The following KCNH1 variants were observed in gnomAD, a reference collection of about 807,000 sequenced individuals.
The protein encoded by KCNH1 is potassium voltage-gated channel subfamily H member 1, also known as voltage-gated delayed rectifier potassium channel KCNH1.
In KCNH1, 27 loss-of-function variants were observed where a neutral mutation model predicts 69.2. The ratio of observed to expected loss-of-function variants is 0.39; its 90% CI spans 0.29 to 0.54. KCNH1 has a LOEUF of 0.54. KCNH1 is among the 20% of genes least tolerant of loss of function. The pLI is 0.68. For missense variants in KCNH1, 798 were observed against 1,261.6 expected, an observed-to-expected ratio of 0.63 and a Z score of 5.57; for synonymous variants, 456 against 487.7, an observed-to-expected ratio of 0.93 and a Z score of 0.86.
chr1:210,808,487 C>A (rs1539532), intron 7 of KCNH1, among the ~76,000 whole-genome samples: 25,019 of 152,058 alleles, frequency 0.16, 2,719 homozygotes, highest in Non-Finnish European at 0.25. Flanking sequence ...ATTACAATTA[C>A]TATTATGAAA....
chr1:210,814,048 C>A (rs1162391473), intron 7 of KCNH1, among the ~76,000 whole-genome samples: 1 of 152,118 alleles, frequency 6.6e-6, no homozygotes, highest in Non-Finnish European at 1.5e-5. Flanking sequence ...ATAAATTACC[C>A]AGTCTCAGGT....
chr1:210,942,484 T>A (rs1687892890), intron 6 of KCNH1, among the ~76,000 whole-genome samples: 1 of 152,212 alleles, frequency 6.6e-6, no homozygotes, highest in Admixed American at 6.5e-5. Context: ...GTCTTCCAGC[T>A]GTAAAAAATC....
chr1:211,052,824 T>G (rs149204128), intron 5 of KCNH1, among the ~76,000 whole-genome samples: 127 of 152,302 alleles, frequency 8.3e-4, no homozygotes, highest in African/African-American at 3.0e-3. Context: ...GTGCATGTGT[T>G]CAATAAGTAA....
intron 6 of KCNH1, among the ~76,000 whole-genome samples, chr1:211,002,326 ATGTG>A (rs34120096): frequency 7.2e-6 from 1 of 138,080 alleles, no homozygotes. Context: ...GTATATATAT[ATGTG>A]TGTGTGTGTA....
intron 10 of KCNH1, among the ~76,000 whole-genome samples, chr1:210,716,882 G>T (rs72751440): frequency 5.3e-5 from 8 of 152,270 alleles, no homozygotes; most frequent in Non-Finnish European, 1.0e-4. Flanking sequence ...GGGGCTAGAG[G>T]TTCTAGCCCA....
At chr1:211,059,660 G>A (rs1297348093) in intron 5 of KCNH1, among the ~76,000 whole-genome samples, 3 of 151,072 alleles carry the variant, frequency 2.0e-5, no homozygotes, top group Non-Finnish European at 3.0e-5. Context: ...GGAGAATGGC[G>A]TGAACCCGGG....
chr1:210,723,005 CA>C (rs1262409536), intron 10 of KCNH1, among the ~76,000 whole-genome samples: 3 of 152,242 alleles, frequency 2.0e-5, no homozygotes, highest in Non-Finnish European at 4.4e-5. Flanking sequence ...AAAAAATCAA[CA>C]CCAATTTATG....
At chr1:211,066,406 C>G (rs1421163024) in intron 5 of KCNH1, among the ~76,000 whole-genome samples, 1 of 152,084 alleles carries the variant, frequency 6.6e-6, no homozygotes, top group Non-Finnish European at 1.5e-5. Context: ...GAACCCAAGT[C>G]TAAACAAAAA....
chr1:210,694,298 C>T (rs1190573970), intron 10 of KCNH1, among the ~76,000 whole-genome samples: 1 of 152,056 alleles, frequency 6.6e-6, no homozygotes, highest in Admixed American at 6.6e-5. Flanking sequence ...CTTCTCGGTG[C>T]CAGTGTACCA....
chr1:210,875,788 G>A (rs997309135), intron 7 of KCNH1, among the ~76,000 whole-genome samples: 10 of 144,346 alleles, frequency 6.9e-5, no homozygotes, highest in African/African-American at 2.4e-4. Context: ...GGGCTACAGA[G>A]CAAGACACTT....
intron 10 of KCNH1, among the ~76,000 whole-genome samples, chr1:210,702,616 T>G (rs1014562152): frequency 6.6e-6 from 1 of 152,224 alleles, no homozygotes; most frequent in Non-Finnish European, 1.5e-5. Context: ...TTGCATTATC[T>G]CTACAGTCAC....
At chr1:210,752,993 T>C (rs868148210) in intron 10 of KCNH1, among the ~76,000 whole-genome samples, 9 of 152,226 alleles carry the variant, frequency 5.9e-5, no homozygotes, top group South Asian at 2.1e-4. Flanking sequence ...TGGAATGATG[T>C]GGTCACAAGC....
chr1:210,762,158 A>T (rs540229604), intron 10 of KCNH1, among the ~76,000 whole-genome samples: 3 of 151,584 alleles, frequency 2.0e-5, no homozygotes, highest in Admixed American at 2.0e-4. Flanking sequence ...GGCAGAAATT[A>T]AAAAAAAATT....
intron 7 of KCNH1, among the ~76,000 whole-genome samples, chr1:210,843,665 T>C (rs900538159): frequency 6.6e-6 from 1 of 152,184 alleles, no homozygotes; most frequent in African/African-American, 2.4e-5. Context: ...CAGGATCATG[T>C]CCATTTAATG....
chr1:210,837,590 C>A (rs1252459328), intron 7 of KCNH1, among the ~76,000 whole-genome samples: 1 of 152,144 alleles, frequency 6.6e-6, no homozygotes, highest in Non-Finnish European at 1.5e-5. Flanking sequence ...AATCAAGTCA[C>A]TTCATTACTC....
In KCNH1 at chr1:210,979,026, C is replaced by T. The variant is rs543881592; in HGVS notation, c.1032+39757G>A. ...CAGGAATATGCTCACTTTAATCACT[C>T]CTGCAACCTCGGGCTTCTAGAGATG... On this transcript the variant is annotated intron_variant, in intron 6 of 10. Coordinates refer to ENST00000271751, the MANE Select transcript of KCNH1 (RefSeq NM_172362.3). 4.6e-5 allele frequency among the ~76,000 whole-genome samples: 7 copies of T among 152,322 alleles called. No individual in the cohort carries two copies. In the South Asian group the frequency reaches 1.2e-3, roughly 27 times the overall value.
chr1:211,096,090 G>A (rs1691146209), intron 3 of KCNH1, among the ~76,000 whole-genome samples: 1 of 138,104 alleles, frequency 7.2e-6, no homozygotes, highest in Non-Finnish European at 1.7e-5. Context: ...TTGAGATGGA[G>A]TCTCACTCTA....
rs183522758 is a variant in KCNH1, at chr1:210,689,247, T to C, written c.2113-5109A>G. On this transcript the variant is annotated intron_variant, in intron 10 of 10. Coordinates refer to ENST00000271751, the MANE Select transcript of KCNH1 (RefSeq NM_172362.3). Reference sequence around the variant, plus strand: ...ACTTGGTTTGAAAAACCAATACCCCTGGAATCTGACGTGAGTCAGGATAGT... The same window carrying C: ...ACTTGGTTTGAAAAACCAATACCCCCGGAATCTGACGTGAGTCAGGATAGT... 9.0e-4 allele frequency among the ~76,000 whole-genome samples: 137 copies of C among 152,318 alleles called. 1 individual carries two copies. The highest frequency in any genetic ancestry group is 1.7e-3 in the Non-Finnish European group (119 of 68,022).
At chr1:210,920,793 A>G (rs947351989) in intron 6 of KCNH1, among the ~76,000 whole-genome samples, 9 of 152,224 alleles carry the variant, frequency 5.9e-5, no homozygotes, top group East Asian at 1.9e-4. Flanking sequence ...AGAAGGCCAT[A>G]TCACTTCTGT....
Sources: allele counts gnomAD v4.1 joint callset (sites outside exome capture counted in the v4.1 genomes callset), GRCh38; gene constraint gnomAD v4.1.1; transcripts MANE v1.5; gene names NCBI Gene and HGNC (gene_info 2026-07-23, HGNC 2026-07-21).